The following ARMH4 variants were observed in gnomAD, a reference collection of about 807,000 sequenced individuals.
The protein encoded by ARMH4 is armadillo-like helical domain-containing protein 4.
In ARMH4, 49 loss-of-function variants were observed where a neutral mutation model predicts 61.9. The observed-to-expected ratio is 0.79, with a 90% CI of 0.63 to 1.00. The LOEUF is 1.00. ARMH4 is among the 50% of genes least tolerant of loss of function. ARMH4 has a pLI of 0.00. For missense variants in ARMH4, 934 were observed against 930.0 expected (o/e 1.00, Z -0.06); for synonymous variants, 368 against 341.5 (o/e 1.08, Z -0.85).
At chr14:58,068,519 A>G (rs963286253) in intron 5 of ARMH4, among the ~76,000 whole-genome samples, 1 of 152,170 alleles carries the variant, frequency 6.6e-6, no homozygotes, top group Non-Finnish European at 1.5e-5. Context: ...GCATTTGGGG[A>G]TAAGCCTAAT....
At chr14:58,052,396 T>C (rs1451875315) in intron 5 of ARMH4, among the ~76,000 whole-genome samples, 1 of 152,152 alleles carries the variant, frequency 6.6e-6, no homozygotes, top group African/African-American at 2.4e-5. Flanking sequence ...TGGAGGAAGC[T>C]AAGGAAGAGC....
intron 5 of ARMH4, among the ~76,000 whole-genome samples, chr14:58,048,167 C>G (rs757302270): frequency 6.6e-6 from 1 of 152,186 alleles, no homozygotes; most frequent in Admixed American, 6.5e-5. Context: ...AAAGGTGACA[C>G]TGGAATCTCT....
intron 5 of ARMH4, among the ~76,000 whole-genome samples, chr14:58,043,449 G>A (rs1175275346): frequency 1.3e-5 from 2 of 152,116 alleles, no homozygotes; most frequent in East Asian, 1.9e-4. Flanking sequence ...TTGATGGGAC[G>A]TATCTCAAAA....
Position 58,004,559 on chromosome 14 carries a change from A to G in ARMH4, c.*177T>C. Reference sequence around the variant, plus strand: ...CCAAATACTGCATGATACGTTTAGTATACAACATGCCATTTCTGCTCAGTA... The same window carrying G: ...CCAAATACTGCATGATACGTTTAGTGTACAACATGCCATTTCTGCTCAGTA... On this transcript the variant is annotated 3_prime_UTR_variant, in exon 8 of 8. Transcript: ENST00000267485. 1.8e-6 allele frequency: 1 copy of G among 570,236 alleles called. No individual in the cohort carries two copies. The allele number at this position is 570,236 out of a possible 1,614,324, so 35.3% of individuals were successfully genotyped here.
chr14:58,133,379 C>T, intron 2 of ARMH4, 38 bp from the exon 3 acceptor site: 1 of 1,531,454 alleles, frequency 6.5e-7, no homozygotes, highest in Non-Finnish European at 8.8e-7. Flanking sequence ...AGACCAAATC[C>T]CTATTTTTTT....
intron 5 of ARMH4, among the ~76,000 whole-genome samples, chr14:58,043,081 G>A (rs1883785348): frequency 6.6e-6 from 1 of 152,100 alleles, no homozygotes; most frequent in Non-Finnish European, 1.5e-5. Context: ...AGAAAAAGAG[G>A]GAATCCTCCC....
intron 5 of ARMH4, among the ~76,000 whole-genome samples, chr14:58,079,519 A>G (rs940566293): frequency 6.6e-6 from 1 of 152,124 alleles, no homozygotes; most frequent in Non-Finnish European, 1.5e-5. Context: ...ACCTCTCAAC[A>G]CTGTTGCAAT....
intron 2 of ARMH4, among the ~76,000 whole-genome samples, chr14:58,135,802 G>C (rs1887282008): frequency 6.6e-6 from 1 of 151,986 alleles, no homozygotes; most frequent in Non-Finnish European, 1.5e-5. Flanking sequence ...AGTGGTCCCT[G>C]GACTCTAAAT....
chr14:58,082,252 C>T (rs1308963624), intron 5 of ARMH4, among the ~76,000 whole-genome samples: 1 of 152,172 alleles, frequency 6.6e-6, no homozygotes, highest in Non-Finnish European at 1.5e-5. Flanking sequence ...ATCTTGGGAA[C>T]TCCCAATATA....
At chr14:58,071,816 G>A (rs1414664970) in intron 5 of ARMH4, among the ~76,000 whole-genome samples, 1 of 152,198 alleles carries the variant, frequency 6.6e-6, no homozygotes, top group Admixed American at 6.5e-5. Flanking sequence ...GTAAAATCAG[G>A]AGGAAGGATA....
intron 3 of ARMH4, among the ~76,000 whole-genome samples, chr14:58,132,093 T>C (rs1998102): frequency 0.61 from 92,033 of 152,048 alleles, 28,398 homozygotes; most frequent in Middle Eastern, 0.69. Context: ...TTTGGAAAGA[T>C]CGAGTGTCTT....
intron 5 of ARMH4, among the ~76,000 whole-genome samples, chr14:58,063,263 T>C (rs889159175): frequency 1.3e-5 from 2 of 152,188 alleles, no homozygotes; most frequent in African/African-American, 2.4e-5. Context: ...ATGTCCCTCT[T>C]CTTATAGGGA....
intron 5 of ARMH4, among the ~76,000 whole-genome samples, chr14:58,017,849 A>G (rs1295784021): frequency 2.0e-5 from 3 of 152,176 alleles, no homozygotes; most frequent in Non-Finnish European, 2.9e-5. Flanking sequence ...AAAAAAACAA[A>G]GCTGGAGGCA....
intron 4 of ARMH4, among the ~76,000 whole-genome samples, chr14:58,124,934 T>G (rs901922143): frequency 3.3e-5 from 5 of 152,174 alleles, no homozygotes; most frequent in Middle Eastern, 3.4e-3. Context: ...ATATACAGAC[T>G]CTAAGTATGC....
chr14:58,088,788 A>AG (rs938150506), intron 5 of ARMH4, among the ~76,000 whole-genome samples: 31 of 152,208 alleles, frequency 2.0e-4, no homozygotes, highest in African/African-American at 7.2e-4. Context: ...TAAAAAGCTG[A>AG]GGGTTTTTTT....
Position 58,009,742 on chromosome 14 carries a change from C to T in ARMH4, c.2121+2377G>A, listed in dbSNP as rs180834988. ...ATAAGAATCGCTTGAACCCAGGAGGCGGAGGTTGCAGTGAGCCAAGATCAT... is the reference window on the plus strand; with the variant it reads ...ATAAGAATCGCTTGAACCCAGGAGGTGGAGGTTGCAGTGAGCCAAGATCAT... On this transcript the variant is annotated intron_variant, in intron 6 of 7. Transcript: ENST00000267485. Among the ~76,000 whole-genome samples, 1,010 of 133,902 alleles carry T rather than the reference C, an allele frequency of 7.5e-3. 10 individuals carry two copies. Among genetic ancestry groups the T allele is most frequent in the Middle Eastern group, 0.016 (4 of 246 alleles). The allele number at this position is 133,902 out of a possible 152,430, so 87.8% of individuals were successfully genotyped here. A position where few individuals can be genotyped will look rare whatever the true frequency, so the allele number is the denominator to read the frequency against.
Position 58,029,685 on chromosome 14 carries a change from A to G in ARMH4, c.2090-17535T>C, listed in dbSNP as rs76393063. 6.7e-4 allele frequency among the ~76,000 whole-genome samples: 101 copies of G among 150,498 alleles called. 1 individual carries two copies. In the East Asian group the frequency reaches 0.018, roughly 27 times the overall value. ...TTCATATCCACTAGGAAGGCCATAA[A>G]AAAAGAAAGAGAAAATTAACAAGTG... On this transcript the variant is annotated intron_variant, in intron 5 of 7. Transcript: ENST00000267485.
At chr14:58,013,331 T>C (rs749967389) in intron 5 of ARMH4, among the ~76,000 whole-genome samples, 48 of 152,246 alleles carry the variant, frequency 3.2e-4, no homozygotes, top group Non-Finnish European at 1.8e-4. Context: ...ATATTAAAAT[T>C]TGAATTTCAT....
chr14:58,053,136 T>A (rs1345330527), intron 5 of ARMH4, among the ~76,000 whole-genome samples: 2 of 152,250 alleles, frequency 1.3e-5, no homozygotes, highest in Non-Finnish European at 2.9e-5. Flanking sequence ...GACAAGCTCC[T>A]CACTGGCTTC....
Sources: gnomAD v4.1 joint callset for allele counts (sites outside exome capture counted in the v4.1 genomes callset) on GRCh38, gnomAD v4.1.1 for gene constraint, MANE v1.5 for transcripts, NCBI Gene and HGNC (gene_info 2026-07-23, HGNC 2026-07-21) for gene names.